Variants in SLC10A7 observed in about 807,000 individuals in gnomAD.
SLC10A7 encodes the protein solute carrier family 10 member 7.
Under a neutral mutation model 43.2 loss-of-function variants are expected in SLC10A7, and 29 were observed. That is an observed-to-expected ratio of 0.67 (90% CI 0.50 to 0.92). The LOEUF (loss-of-function observed/expected upper bound fraction) is 0.92, where lower values mean the gene tolerates loss of function less well. SLC10A7 is among the 40% of genes least tolerant of loss of function. The pLI is 0.00. For synonymous variants in SLC10A7, 152 were observed against 144.8 expected (o/e 1.05, Z -0.35); for missense variants, 295 against 403.2 (o/e 0.73, Z 2.30).
At chr4:146,505,846 A>G (rs1736850319) in intron 3 of SLC10A7, among the ~76,000 whole-genome samples, 1 of 152,220 alleles carries the variant, frequency 6.6e-6, no homozygotes, top group African/African-American at 2.4e-5. Context: ...AACACTTTAC[A>G]TACTATCTCA....
At chr4:146,305,240 C>T (rs922981869) in intron 7 of SLC10A7, among the ~76,000 whole-genome samples, 15 of 150,920 alleles carry the variant, frequency 9.9e-5, no homozygotes, top group African/African-American at 3.4e-4. Context: ...GAATACTATG[C>T]AGCCATAAAA....
At chr4:146,295,550 A>G (rs987477286) in intron 7 of SLC10A7, among the ~76,000 whole-genome samples, 1 of 152,138 alleles carries the variant, frequency 6.6e-6, no homozygotes, top group Non-Finnish European at 1.5e-5. Context: ...TCTGTCACAC[A>G]GCATTATGTA....
At chr4:146,405,174 T>C (rs968011496) in intron 5 of SLC10A7, among the ~76,000 whole-genome samples, 6 of 152,336 alleles carry the variant, frequency 3.9e-5, no homozygotes, top group Non-Finnish European at 7.3e-5. Context: ...GCTTTACTTA[T>C]ATTTTAAGAA....
chr4:146,295,943 T>G (rs908259077), intron 7 of SLC10A7, among the ~76,000 whole-genome samples: 3 of 152,276 alleles, frequency 2.0e-5, no homozygotes, highest in African/African-American at 7.2e-5. Flanking sequence ...CCTACCAGCA[T>G]TGCCCTCCAA....
intron 5 of SLC10A7, among the ~76,000 whole-genome samples, chr4:146,363,963 C>A (rs1031325404): frequency 1.3e-5 from 2 of 151,372 alleles, no homozygotes; most frequent in African/African-American, 4.9e-5. Flanking sequence ...CAAGAGCACA[C>A]CAAACACAAA....
chr4:146,298,738 A>C (rs1255103390), intron 7 of SLC10A7, among the ~76,000 whole-genome samples: 1 of 152,230 alleles, frequency 6.6e-6, no homozygotes, highest in Non-Finnish European at 1.5e-5. Flanking sequence ...CAGCCGGCAC[A>C]AATTTTCTTT....
intron 5 of SLC10A7, among the ~76,000 whole-genome samples, chr4:146,436,494 G>A (rs995184104): frequency 1.3e-5 from 2 of 152,002 alleles, no homozygotes; most frequent in Admixed American, 1.3e-4. Flanking sequence ...AACATGTTCA[G>A]GTTGCCAGAG....
chr4:146,519,953 A>G (rs1407107124), intron 1 of SLC10A7, among the ~76,000 whole-genome samples: 3 of 152,238 alleles, frequency 2.0e-5, no homozygotes, highest in Non-Finnish European at 4.4e-5. Flanking sequence ...TAATGTACCA[A>G]AATATTAATA....
At chr4:146,512,106 G>A (rs552684402) in intron 2 of SLC10A7, among the ~76,000 whole-genome samples, 54 of 149,702 alleles carry the variant, frequency 3.6e-4, no homozygotes, top group Admixed American at 6.1e-4. Context: ...CCCAAGTAGC[G>A]GGGATTACAG....
At chr4:146,355,998 C>T (rs531720523) in intron 5 of SLC10A7, among the ~76,000 whole-genome samples, 1 of 147,846 alleles carries the variant, frequency 6.8e-6, no homozygotes, top group East Asian at 2.0e-4. Flanking sequence ...ATGTAACTAA[C>T]CTGCACAATG....
chr4:146,493,385 T>A (rs1330326787), intron 4 of SLC10A7, among the ~76,000 whole-genome samples: 1 of 152,124 alleles, frequency 6.6e-6, no homozygotes, highest in Non-Finnish European at 1.5e-5. Context: ...CAAGGAGTTT[T>A]AGGTTGATAA....
At chr4:146,297,530 T>C (rs1730867671) in intron 7 of SLC10A7, among the ~76,000 whole-genome samples, 1 of 152,178 alleles carries the variant, frequency 6.6e-6, no homozygotes, top group Non-Finnish European at 1.5e-5. Flanking sequence ...TTCTATTATG[T>C]CTTTACCCTA....
intron 4 of SLC10A7, among the ~76,000 whole-genome samples, chr4:146,473,149 C>T (rs546411951): frequency 6.6e-6 from 1 of 152,238 alleles, no homozygotes; most frequent in Admixed American, 6.5e-5. Flanking sequence ...CTAAGGTTCC[C>T]ATAAAGCAGA....
At chr4:146,434,595 G>T (rs1017023355) in intron 5 of SLC10A7, among the ~76,000 whole-genome samples, 1 of 152,080 alleles carries the variant, frequency 6.6e-6, no homozygotes, top group African/African-American at 2.4e-5. Flanking sequence ...ATGGAGTCTC[G>T]CTCTGTCGCC....
chr4:146,307,383 G>T (rs544551757), intron 6 of SLC10A7, among the ~76,000 whole-genome samples: 1 of 152,240 alleles, frequency 6.6e-6, no homozygotes, highest in Admixed American at 6.5e-5. Flanking sequence ...AACTGGAAAA[G>T]AACAAACAGG....
intron 6 of SLC10A7, among the ~76,000 whole-genome samples, chr4:146,316,175 C>T (rs144750555): frequency 2.9e-3 from 445 of 152,122 alleles, no homozygotes; most frequent in Non-Finnish European, 2.5e-3. Context: ...ACTCCATGGA[C>T]TGAGGAAGAT....
At chr4:146,322,609 T>G (rs975016661) in intron 6 of SLC10A7, among the ~76,000 whole-genome samples, 1 of 152,198 alleles carries the variant, frequency 6.6e-6, no homozygotes, top group African/African-American at 2.4e-5. Flanking sequence ...ATTTTCTTAA[T>G]GCAGTCTATC....
chr4:146,419,575 C>T (rs1728810408), intron 5 of SLC10A7, among the ~76,000 whole-genome samples: 1 of 152,094 alleles, frequency 6.6e-6, no homozygotes, highest in African/African-American at 2.4e-5. Context: ...GTGGCTCATG[C>T]CTGTAATCCC....
intron 5 of SLC10A7, among the ~76,000 whole-genome samples, chr4:146,342,548 A>G (rs1734340298): frequency 6.6e-6 from 1 of 151,800 alleles, no homozygotes; most frequent in Non-Finnish European, 1.5e-5. Flanking sequence ...AATTAGAAAT[A>G]CTAGTGAATT....
Sources: allele counts gnomAD v4.1 joint callset (sites outside exome capture counted in the v4.1 genomes callset), GRCh38; gene constraint gnomAD v4.1.1; transcripts MANE v1.5; gene names NCBI Gene and HGNC (gene_info 2026-07-23, HGNC 2026-07-21).